RAB38: variants seen among roughly 807,000 people sequenced by gnomAD.
RAB38 encodes the protein RAB38, member RAS oncogene family, also known as ras-related protein Rab-38.
RAB38 carries 15 observed loss-of-function variants against 18.4 expected under a neutral mutation model. That is an observed-to-expected ratio of 0.82 (90% confidence interval 0.55 to 1.26). RAB38 has a LOEUF of 1.26. RAB38 is among the 50% of genes most tolerant of loss of function. The pLI, the probability that RAB38 is intolerant of heterozygous loss-of-function variation, is 0.00. For synonymous variants in RAB38, 101 were observed against 104.4 expected, an observed-to-expected ratio of 0.97 and a Z score of 0.20; for missense variants, 294 against 267.4, an observed-to-expected ratio of 1.10 and a Z score of -0.69.
the RAB38 span, among the ~76,000 whole-genome samples, chr11:87,890,553 G>A: frequency 6.6e-6 from 1 of 151,884 alleles, no homozygotes; most frequent in East Asian, 2.0e-4. Context: ...AGCCTAAGCT[G>A]TTTAGAATGG....
the RAB38 span, among the ~76,000 whole-genome samples, chr11:87,929,735 C>A: frequency 7.6e-6 from 1 of 131,228 alleles, no homozygotes; most frequent in East Asian, 2.5e-4. Context: ...CCACAACAGG[C>A]CCCGGTGTGT....
At chr11:87,827,521 G>A in the RAB38 span, among the ~76,000 whole-genome samples, 1 of 152,068 alleles carries the variant, frequency 6.6e-6, no homozygotes, top group Non-Finnish European at 1.5e-5. Context: ...ATGCAATCAT[G>A]GCTTTTCTTT....
chr11:88,092,196 TA>T, the RAB38 span, among the ~76,000 whole-genome samples: 21 of 151,550 alleles, frequency 1.4e-4, 1 homozygote, highest in South Asian at 4.4e-3. Flanking sequence ...GAGTTGTGAG[TA>T]AAAAACAAGT....
chr11:87,912,305 T>C, the RAB38 span, among the ~76,000 whole-genome samples: 1 of 151,976 alleles, frequency 6.6e-6, no homozygotes, highest in East Asian at 1.9e-4. Context: ...TTTAGTAGAA[T>C]TCCCCAGTGA....
chr11:88,047,731 C>T, the RAB38 span, among the ~76,000 whole-genome samples: 1 of 152,184 alleles, frequency 6.6e-6, no homozygotes, highest in African/African-American at 2.4e-5. Context: ...GATCCCATTG[C>T]TCAGGACAAT....
chr11:87,919,456 G>A, the RAB38 span, among the ~76,000 whole-genome samples: 219 of 151,818 alleles, frequency 1.4e-3, 2 homozygotes, highest in East Asian at 0.038. Flanking sequence ...AACCCCACTT[G>A]CTCATAGTGA....
At chr11:88,076,029 TAATAA>T in the RAB38 span, among the ~76,000 whole-genome samples, 4 of 146,904 alleles carry the variant, frequency 2.7e-5, no homozygotes, top group South Asian at 6.4e-4. Context: ...AAATTGAAAA[TAATAA>T]AATAAAATAA....
At chr11:87,899,490 G>A in the RAB38 span, among the ~76,000 whole-genome samples, 7 of 151,612 alleles carry the variant, frequency 4.6e-5, 1 homozygote, top group Admixed American at 4.6e-4. Flanking sequence ...AAGCTATACA[G>A]TGCTAAGCAC....
the RAB38 span, among the ~76,000 whole-genome samples, chr11:87,880,887 G>A: frequency 0.3 from 45,835 of 151,748 alleles, 8,954 homozygotes; most frequent in African/African-American, 0.54. Context: ...CATGAACTAT[G>A]TTCATATGTG....
intron 2 of RAB38, among the ~76,000 whole-genome samples, chr11:88,133,481 A>C (rs2134799183): frequency 6.6e-6 from 1 of 152,302 alleles, no homozygotes; most frequent in Non-Finnish European, 1.5e-5. Context: ...TCTTTAAGTT[A>C]GATTTAAAAA....
At chr11:88,059,262 G>A in the RAB38 span, among the ~76,000 whole-genome samples, 1 of 152,142 alleles carries the variant, frequency 6.6e-6, no homozygotes, top group East Asian at 1.9e-4. Flanking sequence ...CGTTTTGAAT[G>A]GCAAACTCAT....
intron 2 of RAB38, among the ~76,000 whole-genome samples, chr11:88,135,969 A>G (rs1942830064): frequency 6.6e-6 from 1 of 152,236 alleles, no homozygotes; most frequent in Admixed American, 6.5e-5. Context: ...TTCTCAAGAG[A>G]GAACTTCTTT....
the RAB38 span, among the ~76,000 whole-genome samples, chr11:88,032,613 A>G: frequency 2.0e-5 from 3 of 152,370 alleles, no homozygotes; most frequent in Non-Finnish European, 2.9e-5. Flanking sequence ...GCAGCCAAAA[A>G]ACACATGAAA....
the RAB38 span, among the ~76,000 whole-genome samples, chr11:87,890,867 G>C: frequency 6.6e-6 from 1 of 151,828 alleles, no homozygotes. Flanking sequence ...TCCATTTCAG[G>C]AGGACTAGCC....
At chr11:87,893,383 TATATA>T in the RAB38 span, among the ~76,000 whole-genome samples, 1 of 36,802 alleles carries the variant, frequency 2.7e-5, no homozygotes, top group African/African-American at 5.4e-5. Context: ...TATATATATA[TATATA>T]TATTTTTTTT....
intron 2 of RAB38, 71 bp downstream of exon 2, chr11:88,149,604 T>A: frequency 6.8e-7 from 1 of 1,472,414 alleles, no homozygotes. Context: ...ATTATGATGA[T>A]GGTGATGATT....
At chr11:88,040,292 TCTCC>T in the RAB38 span, among the ~76,000 whole-genome samples, 1 of 152,202 alleles carries the variant, frequency 6.6e-6, no homozygotes, top group Non-Finnish European at 1.5e-5. Flanking sequence ...ATGGCCGTCC[TCTCC>T]CTGTGTCCTC....
the RAB38 span, among the ~76,000 whole-genome samples, chr11:88,018,784 AGTT>A: frequency 1.3e-5 from 2 of 152,168 alleles, no homozygotes; most frequent in African/African-American, 2.4e-5. Context: ...AATGCTAAAT[AGTT>A]GTTACATCTT....
the RAB38 span, among the ~76,000 whole-genome samples, chr11:88,045,411 T>C: frequency 6.6e-6 from 1 of 152,314 alleles, no homozygotes. Flanking sequence ...TCCAAATGCC[T>C]GAACTGCGGC....
Sources: allele counts gnomAD v4.1 joint callset (sites outside exome capture counted in the v4.1 genomes callset), GRCh38; gene constraint gnomAD v4.1.1; transcripts MANE v1.5; gene names NCBI Gene and HGNC (gene_info 2026-07-23, HGNC 2026-07-21).